The following GRIK5 variants were observed in gnomAD, a reference collection of about 807,000 sequenced individuals.
GRIK5 encodes glutamate receptor ionotropic, kainate 5.
A neutral mutation model predicts 97.4 loss-of-function variants in GRIK5; 43 were observed. That is an observed-to-expected ratio of 0.44 (90% CI 0.35 to 0.57). The LOEUF is 0.57. Among genes scored for constraint, GRIK5 ranks in the 20% least tolerant of loss-of-function variants. The pLI is 0.01. For synonymous variants in GRIK5, 580 were observed against 583.5 expected (o/e 0.99, Z 0.09); for missense variants, 1,015 against 1,382.0 (o/e 0.73, Z 4.21).
At chr19:42,066,321 A>G (rs966749758) in intron 1 of GRIK5, among the ~76,000 whole-genome samples, 8 of 152,070 alleles carry the variant, frequency 5.3e-5, no homozygotes, top group Non-Finnish European at 1.0e-4. Context: ...AGTTCCCACA[A>G]TCCCATGGGG....
rs1317638525 is a variant in GRIK5 at position 42,062,176 on chromosome 19, C to T, written c.508+312G>A. On this transcript the variant is annotated intron_variant, in intron 5 of 19. Coordinates refer to ENST00000593562, the MANE Select transcript of GRIK5 (RefSeq NM_002088.5). This position sits in a 1 kb window ranked among gnomAD's most constrained non-coding sequence, Gnocchi z 5.3. ...TGGCAGCACACATACCACTCTGTAT[C>T]ACAACAGCTCAATGACCAATGACCT... Among the ~76,000 whole-genome samples the T allele has an allele frequency of 2.0e-5, 3 of 152,212 alleles. No homozygotes were observed. Among genetic ancestry groups the T allele is most frequent in the Admixed American group, 2.0e-4 (3 of 15,280 alleles).
chr19:42,038,687 G>A (rs933021582), intron 12 of GRIK5, among the ~76,000 whole-genome samples: 2 of 152,218 alleles, frequency 1.3e-5, no homozygotes, highest in African/African-American at 4.8e-5. Context: ...TGTGCACTGG[G>A]GACTCCAGAT....
chr19:42,066,664 G>A (rs931667405), intron 1 of GRIK5, among the ~76,000 whole-genome samples: 7 of 151,856 alleles, frequency 4.6e-5, no homozygotes, highest in Non-Finnish European at 1.0e-4. Context: ...TTACAGGGAG[G>A]CAGGGAGAGG....
Position 42,042,437 on chromosome 19 carries a change from C to T in GRIK5, c.1473+115G>A. On this transcript the variant is annotated intron_variant, in intron 12 of 19. Coordinates refer to ENST00000593562, the MANE Select transcript of GRIK5 (RefSeq NM_002088.5). This position sits in a 1 kb window ranked among gnomAD's most constrained non-coding sequence, Gnocchi z 6.9. ...GTGGTGTCAGGGGCCCTTCATGGCT[C>T]CTTCCTCTTCTGCCACCAGCCAGGC... The T allele has an allele frequency of 1.1e-6, 1 of 902,032 alleles. No homozygotes were observed. Among genetic ancestry groups the T allele is most frequent in the South Asian group, 1.6e-5 (1 of 63,960 alleles). The allele number at this position is 902,032 out of a possible 1,614,324, so 55.9% of individuals were successfully genotyped here.
chr19:42,014,285 T>C (rs1403560440), intron 15 of GRIK5, among the ~76,000 whole-genome samples: 6 of 151,930 alleles, frequency 3.9e-5, no homozygotes, highest in Admixed American at 2.6e-4. Flanking sequence ...TCCCAGCTAC[T>C]TGGGAGGCTG....
Position 41,999,213 on chromosome 19 carries a change from C to A in GRIK5, c.2601G>T (p.Pro867=). The A allele has an allele frequency of 6.6e-7, 1 of 1,518,910 alleles. No individual in the cohort carries two copies. The highest frequency in any genetic ancestry group is 8.8e-7 in the Non-Finnish European group (1 of 1,140,428). 94.1% of individuals were successfully genotyped at this position (1,518,910 alleles called of 1,614,324 possible). Residue 867 remains proline, a synonymous_variant, in exon 20 of 20, where the codon CCG becomes CCT. Transcript: ENST00000593562. This position sits in a 1 kb window ranked among gnomAD's most constrained non-coding sequence, Gnocchi z 5.0. Reference sequence around the variant, plus strand: ...ACAGCAGGGCCCGGCTCGGGCCGCCCGGGCGTCGGCGCCGGCGGGAACGCG... The same window carrying A: ...ACAGCAGGGCCCGGCTCGGGCCGCCAGGGCGTCGGCGCCGGCGGGAACGCG... The part of the protein sequence containing the change: ...KTSRSRRRRR[P]GGPSRALLSL...
intron 15 of GRIK5, among the ~76,000 whole-genome samples, chr19:42,011,413 C>T (rs180706026): frequency 1.3e-4 from 19 of 151,750 alleles, no homozygotes; most frequent in Admixed American, 1.2e-3. Flanking sequence ...ATTAGCCAGG[C>T]GTGGTAGCGG....
rs372273988 is a variant in GRIK5 at position 42,065,275 on chromosome 19, T to C, written c.192A>G (p.Glu64=). ...IIEVPAKARV[E]VDIFELQRDS... ...CCCGCTGCAGCTCAAAGATGTCTAC[T>C]TCCACTCGGGCCTTGGCTGGGACCT... The change falls in exon 3 of 20, where the codon GAA becomes GAG. Residue 64 remains glutamate, a synonymous_variant. Transcript: ENST00000593562. The surrounding 1 kb of genome is among the most constrained non-coding windows in gnomAD (Gnocchi z 5.8). 2.5e-6 allele frequency: 4 copies of C among 1,613,374 alleles called. No individual in the cohort carries two copies. Among genetic ancestry groups the C allele is most frequent in the Non-Finnish European group, 3.4e-6 (4 of 1,179,896 alleles).
intron 3 of GRIK5, among the ~76,000 whole-genome samples, chr19:42,064,281 C>A (rs889391821): frequency 2.0e-5 from 3 of 152,176 alleles, no homozygotes; most frequent in African/African-American, 7.2e-5. Flanking sequence ...TTCACCCTGG[C>A]ACTGTAGCCT....
At chr19:42,068,673 T>G in intron 1 of GRIK5, 1 of 431,592 alleles carries the variant, frequency 2.3e-6, no homozygotes, top group Non-Finnish European at 4.1e-6. Context: ...GAAGCCAGGG[T>G]GGAGGAGTTC....
At chr19:42,066,693 G>C (rs1431470009) in intron 1 of GRIK5, among the ~76,000 whole-genome samples, 2 of 151,630 alleles carry the variant, frequency 1.3e-5, no homozygotes, top group South Asian at 4.2e-4. Context: ...GGAGAAAGAG[G>C]GAAGAGACAG....
At chr19:42,041,033 T>A (rs1353863964) in intron 12 of GRIK5, among the ~76,000 whole-genome samples, 1 of 152,142 alleles carries the variant, frequency 6.6e-6, no homozygotes, top group Non-Finnish European at 1.5e-5. Context: ...ATCTCTGCCT[T>A]CACCAGAGCA....
Position 42,065,809 on chromosome 19 carries a change from C to T in GRIK5, c.-39G>A. 6.6e-7 allele frequency: 1 copy of T among 1,504,220 alleles called. No homozygotes were observed. 93.2% of individuals were successfully genotyped at this position (1,504,220 alleles called of 1,614,324 possible). A position where few individuals can be genotyped will look rare whatever the true frequency, so the allele number is the denominator to read the frequency against. ...TCATGGGGACGCAGCTGCCGCGGCCCCCACTCGCCACCTGCAGGGAGACCC... is the reference window on the plus strand; with the variant it reads ...TCATGGGGACGCAGCTGCCGCGGCCTCCACTCGCCACCTGCAGGGAGACCC... On this transcript the variant is annotated 5_prime_UTR_variant, in exon 2 of 20. Coordinates refer to ENST00000593562, the MANE Select transcript of GRIK5 (RefSeq NM_002088.5). This position sits in a 1 kb window ranked among gnomAD's most constrained non-coding sequence, Gnocchi z 5.8.
intron 11 of GRIK5, among the ~76,000 whole-genome samples, chr19:42,051,792 C>T (rs1304889385): frequency 6.6e-6 from 1 of 152,188 alleles, no homozygotes; most frequent in African/African-American, 2.4e-5. Flanking sequence ...CTGTTGCCTC[C>T]CTGTTCAACC....
chr19:42,065,815 C>A lies in GRIK5; in HGVS notation c.-45G>T. On this transcript the variant is annotated 5_prime_UTR_variant, in exon 2 of 20. Coordinates refer to ENST00000593562, the MANE Select transcript of GRIK5 (RefSeq NM_002088.5). The surrounding 1 kb of genome is among the most constrained non-coding windows in gnomAD (Gnocchi z 5.8). ...GGACGCAGCTGCCGCGGCCCCCACT[C>A]GCCACCTGCAGGGAGACCCCCCAGA... 1 of 1,473,038 alleles carries A rather than the reference C, an allele frequency of 6.8e-7. No homozygotes were observed. Among genetic ancestry groups the A allele is most frequent in the South Asian group, 1.2e-5 (1 of 82,712 alleles). 91.2% of individuals were successfully genotyped at this position (1,473,038 alleles called of 1,614,324 possible). A position where few individuals can be genotyped will look rare whatever the true frequency, so the allele number is the denominator to read the frequency against.
In GRIK5 at chr19:42,055,511, C is replaced by T. The variant is rs367948958; in HGVS notation, c.904-1039G>A. Reference sequence around the variant, plus strand: ...TAGGCTGTTTTAAGTGCTGGGGATACAATGGTGAACAAAATAAACAGAACC... The same window carrying T: ...TAGGCTGTTTTAAGTGCTGGGGATATAATGGTGAACAAAATAAACAGAACC... On this transcript the variant is annotated intron_variant, in intron 8 of 19. Transcript: ENST00000593562. 2.6e-5 allele frequency among the ~76,000 whole-genome samples: 4 copies of T among 152,244 alleles called. No individual in the cohort carries two copies. The East Asian group carries it at 5.8e-4, about 22-fold the overall frequency.
chr19:42,011,344 A>T (rs1202209420), intron 15 of GRIK5, among the ~76,000 whole-genome samples: 1 of 151,084 alleles, frequency 6.6e-6, no homozygotes, highest in Non-Finnish European at 1.5e-5. Flanking sequence ...CGAGGTCAGG[A>T]GATCGAGACC....
intron 11 of GRIK5, among the ~76,000 whole-genome samples, chr19:42,051,096 C>T (rs755509612): frequency 2.6e-5 from 4 of 152,184 alleles, no homozygotes; most frequent in African/African-American, 4.8e-5. Flanking sequence ...AACTGCCACA[C>T]TAGTCACCAA....
chr19:42,070,181 G>A lies in GRIK5; in HGVS notation c.-991C>T, dbSNP rs1351892327. On this transcript the variant is annotated 5_prime_UTR_variant, in exon 1 of 20. Transcript: ENST00000593562. ...GCCGCCGCCTGCCTGCCCGCCTGCC[G>A]CCTGCGCTGGGTCCTGGAGCGCAGT... Among the ~76,000 whole-genome samples, 2 of 152,058 alleles carry A rather than the reference G, an allele frequency of 1.3e-5. No individual in the cohort carries two copies. The highest frequency in any genetic ancestry group is 2.9e-5 in the Non-Finnish European group (2 of 67,974).
Sources: gnomAD v4.1 joint callset for allele counts (sites outside exome capture counted in the v4.1 genomes callset) on GRCh38, gnomAD v4.1.1 for gene constraint, Gnocchi (gnomAD v3.1) non-coding constraint, MANE v1.5 for transcripts, NCBI Gene and HGNC (gene_info 2026-07-23, HGNC 2026-07-21) for gene names.